The following MKRN1 variants were observed in gnomAD, a reference collection of about 807,000 sequenced individuals.
The protein encoded by MKRN1 is E3 ubiquitin-protein ligase makorin-1.
A neutral mutation model predicts 55.5 loss-of-function variants in MKRN1; 9 were observed. The ratio of observed to expected loss-of-function variants is 0.16; its 90% CI spans 0.10 to 0.28. The LOEUF (loss-of-function observed/expected upper bound fraction) is 0.28. MKRN1 is among the 10% of genes least tolerant of loss of function. The probability of loss-of-function intolerance (pLI) is 1.00; values close to 1 mark genes in which losing one functional copy is unlikely to be tolerated. For synonymous variants in MKRN1, 253 were observed against 235.9 expected, an observed-to-expected ratio of 1.07 and a Z score of -0.66; for missense variants, 488 against 626.7, an observed-to-expected ratio of 0.78 and a Z score of 2.36.
chr7:140,465,032 C>T (rs569848274), intron 2 of MKRN1, among the ~76,000 whole-genome samples: 1 of 152,330 alleles, frequency 6.6e-6, no homozygotes, highest in African/African-American at 2.4e-5. Flanking sequence ...CTTCCCCGCC[C>T]AGCCTAGTAC....
intron 1 of MKRN1, among the ~76,000 whole-genome samples, chr7:140,477,174 TTGG>T (rs1375295089): frequency 6.6e-6 from 1 of 151,394 alleles, no homozygotes; most frequent in East Asian, 1.9e-4. Flanking sequence ...AGAGATCATG[TTGG>T]TACCTAGAAC....
intron 2 of MKRN1, among the ~76,000 whole-genome samples, chr7:140,461,959 G>A (rs192510427): frequency 6.6e-6 from 1 of 152,288 alleles, no homozygotes; most frequent in East Asian, 1.9e-4. Context: ...CTCCAGCCTG[G>A]GCAACAAGAG....
In MKRN1 at chr7:140,469,478, A is replaced by C. The variant is rs367677273; in HGVS notation, c.314+2405T>G. On this transcript the variant is annotated intron_variant, in intron 2 of 7. Transcript: ENST00000255977. ...GGCTGGACTTAGTAACTTAGTCCAGAATCAGTGGAAATAACAGTATATGAC... is the reference window on the plus strand; with the variant it reads ...GGCTGGACTTAGTAACTTAGTCCAGCATCAGTGGAAATAACAGTATATGAC... 9.8e-5 allele frequency among the ~76,000 whole-genome samples: 15 copies of C among 152,292 alleles called. No homozygotes were observed. The South Asian group carries it at 3.1e-3, about 32-fold the overall frequency.
chr7:140,468,686 TGA>T (rs1794837440), intron 2 of MKRN1, among the ~76,000 whole-genome samples: 1 of 97,280 alleles, frequency 1.0e-5, no homozygotes, highest in South Asian at 3.1e-4. Flanking sequence ...GGCGACAGAC[TGA>T]GACTCTGTCT....
At chr7:140,456,441 T>C (rs1794468074) in intron 5 of MKRN1, 3 of 1,401,704 alleles carry the variant, frequency 2.1e-6, no homozygotes, top group East Asian at 2.7e-5. Flanking sequence ...TTCTAACTGA[T>C]ACACAGGGTT....
chr7:140,470,106 A>AGCT (rs1794882067), intron 2 of MKRN1, among the ~76,000 whole-genome samples: 1 of 150,440 alleles, frequency 6.6e-6, no homozygotes, highest in Non-Finnish European at 1.5e-5. Context: ...TTGTAATCCT[A>AGCT]GCTACTCTGG....
intron 1 of MKRN1, among the ~76,000 whole-genome samples, chr7:140,477,513 G>A (rs1384680023): frequency 1.3e-5 from 2 of 152,126 alleles, no homozygotes; most frequent in East Asian, 1.9e-4. Flanking sequence ...CAGTAGAGAC[G>A]GGGTTTCACC....
chr7:140,479,062 C>T, intron 1 of MKRN1, 98 bp downstream of exon 1: 1 of 1,225,776 alleles, frequency 8.2e-7, no homozygotes, highest in South Asian at 3.5e-5. Flanking sequence ...CCCTCCCGCG[C>T]CTCTAGCCGC....
intron 1 of MKRN1, among the ~76,000 whole-genome samples, chr7:140,476,932 A>T (rs1795136258): frequency 6.6e-6 from 1 of 151,904 alleles, no homozygotes; most frequent in Non-Finnish European, 1.5e-5. Flanking sequence ...ATACAAAATT[A>T]GTCAGGTGGG....
rs559215181 is a variant in MKRN1, at chr7:140,455,502, C to T, written c.1098-269G>A. On this transcript the variant is annotated intron_variant, in intron 6 of 7. Coordinates refer to ENST00000255977, the MANE Select transcript of MKRN1 (RefSeq NM_013446.4). ...CTTCTAGAAAGCCAACACATGAGAA[C>T]ATAGGACAGCTATGACACGGATTCA... 1.6e-5 allele frequency: 9 copies of T among 567,894 alleles called. No homozygotes were observed. The Admixed American group carries it at 2.4e-4, about 15-fold the overall frequency. 35.2% of individuals were successfully genotyped at this position (567,894 alleles called of 1,614,324 possible). A position where few individuals can be genotyped will look rare whatever the true frequency, so the allele number is the denominator to read the frequency against.
chr7:140,471,800 G>A (rs2130343531), intron 2 of MKRN1, 83 bp downstream of exon 2: 2 of 1,519,224 alleles, frequency 1.3e-6, no homozygotes, highest in East Asian at 4.6e-5. Context: ...TTTTTAATCA[G>A]TGACATATAA....
intron 2 of MKRN1, among the ~76,000 whole-genome samples, 182 bp downstream of exon 2, chr7:140,471,701 A>G (rs2130343075): frequency 6.6e-6 from 1 of 152,182 alleles, no homozygotes; most frequent in Non-Finnish European, 1.5e-5. Context: ...AACTTCCAAG[A>G]TCAAGCAATC....
At position 140,454,010 on chromosome 7, in the gene MKRN1, G is replaced by T. The variant is rs529580769; in HGVS notation, c.*507C>A. 1.2e-5 allele frequency: 2 copies of T among 169,026 alleles called. No individual in the cohort carries two copies. Among genetic ancestry groups the T allele is most frequent in the Non-Finnish European group, 2.6e-5 (2 of 75,726 alleles). The allele number at this position is 169,026 out of a possible 1,614,324, so 10.5% of individuals were successfully genotyped here. A position where few individuals can be genotyped will look rare whatever the true frequency, so the allele number is the denominator to read the frequency against. On this transcript the variant is annotated 3_prime_UTR_variant, in exon 8 of 8. Coordinates refer to ENST00000255977, the MANE Select transcript of MKRN1 (RefSeq NM_013446.4). ...ACCACAGAACAAGTGCACGTGGTAGGGATTACAGGGTAGGGAACAGATATA... is the reference window on the plus strand; with the variant it reads ...ACCACAGAACAAGTGCACGTGGTAGTGATTACAGGGTAGGGAACAGATATA...
intron 2 of MKRN1, among the ~76,000 whole-genome samples, chr7:140,468,839 T>C (rs10258350): frequency 0.27 from 40,794 of 151,688 alleles, 9,337 homozygotes; most frequent in African/African-American, 0.63. Flanking sequence ...CTAAACAAAG[T>C]TTCTATGAGA....
Position 140,454,024 on chromosome 7 carries a change from G to A in MKRN1, c.*493C>T, listed in dbSNP as rs1432145401. 3 of 178,552 alleles carry A rather than the reference G, an allele frequency of 1.7e-5. No individual in the cohort carries two copies. Among genetic ancestry groups the A allele is most frequent in the African/African-American group, 7.1e-5 (3 of 42,428 alleles). 11.1% of individuals were successfully genotyped at this position (178,552 alleles called of 1,614,324 possible). On this transcript the variant is annotated 3_prime_UTR_variant, in exon 8 of 8. Transcript: ENST00000255977. ...GCACGTGGTAGGGATTACAGGGTAG[G>A]GAACAGATATAAAAACACAGATGTG...
intron 1 of MKRN1, among the ~76,000 whole-genome samples, chr7:140,476,078 T>G (rs1352841453): frequency 6.6e-6 from 1 of 152,136 alleles, no homozygotes; most frequent in Non-Finnish European, 1.5e-5. Context: ...TCAAAACTTC[T>G]AAGTGAAGAA....
chr7:140,467,965 G>A (rs1794819371), intron 2 of MKRN1, among the ~76,000 whole-genome samples: 1 of 140,110 alleles, frequency 7.1e-6, no homozygotes, highest in South Asian at 2.2e-4. Flanking sequence ...TCATGCCATT[G>A]CACTCCAGCC....
chr7:140,470,478 C>T (rs971861615), intron 2 of MKRN1, among the ~76,000 whole-genome samples: 3 of 149,556 alleles, frequency 2.0e-5, no homozygotes, highest in Non-Finnish European at 4.5e-5. Context: ...CCAGCTACTC[C>T]GGAAGATGAG....
chr7:140,473,425 T>C, intron 1 of MKRN1: 1 of 298,180 alleles, frequency 3.4e-6, no homozygotes, highest in Middle Eastern at 4.1e-4. Context: ...AACAAGAAAC[T>C]GCCAAGTTAC....
Sources: allele counts gnomAD v4.1 joint callset (sites outside exome capture counted in the v4.1 genomes callset), GRCh38; gene constraint gnomAD v4.1.1; transcripts MANE v1.5; gene names NCBI Gene and HGNC (gene_info 2026-07-23, HGNC 2026-07-21).